BARD1: variants seen among roughly 807,000 people sequenced by gnomAD.
BARD1 encodes the protein BRCA1-associated RING domain protein 1.
A neutral mutation model predicts 77.0 loss-of-function variants in BARD1; 73 were observed. The observed-to-expected ratio is 0.95, with a 90% CI of 0.79 to 1.15. BARD1 has a LOEUF of 1.15. Ranked by LOEUF, BARD1 falls within the 50% of genes most tolerant of loss-of-function variation. The pLI is 0.00. For synonymous variants in BARD1, 384 were observed against 338.0 expected (o/e 1.14, Z -1.49); for missense variants, 993 against 938.8 (o/e 1.06, Z -0.75).
At chr2:214,758,212 A>T (rs1574768435) in intron 6 of BARD1, among the ~76,000 whole-genome samples, 1 of 152,190 alleles carries the variant, frequency 6.6e-6, no homozygotes, top group Non-Finnish European at 1.5e-5. Context: ...CTGCCACTCA[A>T]AAGTCTTATG....
At chr2:214,778,646 C>G (rs1694840731) in intron 4 of BARD1, among the ~76,000 whole-genome samples, 1 of 152,090 alleles carries the variant, frequency 6.6e-6, no homozygotes, top group Non-Finnish European at 1.5e-5. Flanking sequence ...GCCAGTCACC[C>G]AATTTTGTAC....
chr2:214,735,684 T>C (rs756894727), intron 9 of BARD1, among the ~76,000 whole-genome samples: 7 of 152,170 alleles, frequency 4.6e-5, no homozygotes, highest in Non-Finnish European at 7.4e-5. Flanking sequence ...AAATATAACT[T>C]AGTGGTACAC....
intron 4 of BARD1, among the ~76,000 whole-genome samples, chr2:214,780,343 T>A (rs1406644645): frequency 6.6e-6 from 1 of 152,166 alleles, no homozygotes; most frequent in East Asian, 1.9e-4. Context: ...AATATTGGTT[T>A]TCTCCTACAA....
chr2:214,728,816 A>G lies in BARD1; in HGVS notation c.2194T>C (p.Phe732Leu). 6.2e-7 allele frequency: 1 copy of G among 1,614,224 alleles called. No individual in the cohort carries two copies. The highest frequency in any genetic ancestry group is 8.5e-7 in the Non-Finnish European group (1 of 1,180,044). Reference sequence around the variant, plus strand: ...TCATAGATGATATACTGTGTGCAGAAGCGCTGATCAGAATCGGGTCTCGCA... The same window carrying G: ...TCATAGATGATATACTGTGTGCAGAGGCGCTGATCAGAATCGGGTCTCGCA... ...YHARPDSDQRFCTQYIIYEDL... is the reference protein window; with the variant it reads ...YHARPDSDQRLCTQYIIYEDL... Residue 732 changes from phenylalanine to leucine, a missense_variant, in exon 11 of 11, where the codon TTC (phenylalanine) becomes CTC (leucine). Physicochemically the swap from Phe to Leu is conservative, Grantham distance 22. Transcript: ENST00000260947.
Position 214,728,583 on chromosome 2 carries a change from T to C in BARD1, c.*93A>G, listed in dbSNP as rs1692184560. ...AAAGACAAATATGAATGACTCTACC[T>C]ATTTGTAAAAATGTGAACATTAAAA... On this transcript the variant is annotated 3_prime_UTR_variant, in exon 11 of 11. Transcript: ENST00000260947. 1 of 1,161,186 alleles carries C rather than the reference T, an allele frequency of 8.6e-7. No homozygotes were observed. The highest frequency in any genetic ancestry group is 2.0e-5 in the Admixed American group (1 of 49,378). The allele number at this position is 1,161,186 out of a possible 1,614,324, so 71.9% of individuals were successfully genotyped here.
intron 9 of BARD1, among the ~76,000 whole-genome samples, chr2:214,733,279 T>A (rs1692435995): frequency 6.6e-6 from 1 of 152,226 alleles, no homozygotes; most frequent in Non-Finnish European, 1.5e-5. Context: ...GATTTTGGAA[T>A]ATTTGCACGT....
intron 9 of BARD1, among the ~76,000 whole-genome samples, chr2:214,737,879 C>G (rs1692636484): frequency 6.6e-6 from 1 of 151,918 alleles, no homozygotes; most frequent in Admixed American, 6.6e-5. Flanking sequence ...TTGTAATAAA[C>G]AGTTAATAAA....
intron 6 of BARD1, among the ~76,000 whole-genome samples, chr2:214,757,162 A>G (rs1473879693): frequency 2.6e-5 from 4 of 151,918 alleles, no homozygotes; most frequent in Non-Finnish European, 1.5e-5. Flanking sequence ...TTCCTTATAA[A>G]TTACCCAGTC....
At position 214,809,582 on chromosome 2, in the gene BARD1, G is replaced by T; in HGVS notation, c.-13C>A. 6.5e-7 allele frequency: 1 copy of T among 1,539,432 alleles called. No individual in the cohort carries two copies. The highest frequency in any genetic ancestry group is 8.7e-7 in the Non-Finnish European group (1 of 1,145,952). On this transcript the variant is annotated 5_prime_UTR_variant, in exon 1 of 11. Coordinates refer to ENST00000260947, the MANE Select transcript of BARD1 (RefSeq NM_000465.4). Reference sequence around the variant, plus strand: ...GATTATCCGGCATCGTCCCGCCTTCGGATGAAAGGCTCCTCGCAGAGCGGG... The same window carrying T: ...GATTATCCGGCATCGTCCCGCCTTCTGATGAAAGGCTCCTCGCAGAGCGGG...
At position 214,797,049 on chromosome 2, in the gene BARD1, G is replaced by A. The variant is rs373816832; in HGVS notation, c.215+12C>T. 1.1e-4 allele frequency: 179 copies of A among 1,599,158 alleles called. No homozygotes were observed. In the African/African-American group the frequency reaches 1.3e-3, roughly 12 times the overall value. ...ACAGTTGTACTATATACATCAAACCGTAATTACTTACCTACAGAAGATGTG... is the reference window on the plus strand; with the variant it reads ...ACAGTTGTACTATATACATCAAACCATAATTACTTACCTACAGAAGATGTG... On this transcript the variant is annotated intron_variant, in intron 2 of 10. Coordinates refer to ENST00000260947, the MANE Select transcript of BARD1 (RefSeq NM_000465.4).
intron 7 of BARD1, among the ~76,000 whole-genome samples, chr2:214,751,145 ATATATATT>A (rs1693422957): frequency 4.7e-5 from 1 of 21,362 alleles, no homozygotes; most frequent in African/African-American, 1.3e-4. Context: ...ATATATATAT[ATATATATT>A]TTTTTTTTTT....
chr2:214,730,167 T>G (rs975020211), intron 10 of BARD1: 8 of 514,562 alleles, frequency 1.6e-5, no homozygotes, highest in Non-Finnish European at 2.5e-5. Flanking sequence ...GAGATTTACC[T>G]CAGATTCTGA....
At chr2:214,776,262 T>C (rs1419581718) in intron 4 of BARD1, among the ~76,000 whole-genome samples, 1 of 152,168 alleles carries the variant, frequency 6.6e-6, no homozygotes, top group African/African-American at 2.4e-5. Flanking sequence ...AAGGTCAGGA[T>C]GGCACAAATT....
intron 1 of BARD1, among the ~76,000 whole-genome samples, chr2:214,797,495 C>A (rs1338276838): frequency 6.6e-6 from 1 of 152,074 alleles, no homozygotes; most frequent in Non-Finnish European, 1.5e-5. Flanking sequence ...GACCATATAC[C>A]TCAAAATGTG....
intron 3 of BARD1, among the ~76,000 whole-genome samples, chr2:214,786,242 C>T (rs1363501333): frequency 6.6e-6 from 1 of 150,872 alleles, no homozygotes; most frequent in Non-Finnish European, 1.5e-5. Context: ...AGAGATACAA[C>T]ATTATTTTCA....
chr2:214,766,158 C>T (rs1194516452), intron 6 of BARD1, among the ~76,000 whole-genome samples: 1 of 152,168 alleles, frequency 6.6e-6, no homozygotes, highest in African/African-American at 2.4e-5. Flanking sequence ...ACAAAATCTA[C>T]ATACAGCATT....
chr2:214,761,550 A>G (rs1221666741), intron 6 of BARD1, among the ~76,000 whole-genome samples: 1 of 152,098 alleles, frequency 6.6e-6, no homozygotes, highest in African/African-American at 2.4e-5. Flanking sequence ...TCAAAAAAGC[A>G]TAAGCTTTGG....
chr2:214,728,708 T>TG lies in BARD1; in HGVS notation c.2301_2302insC (p.Met768HisfsTer4), dbSNP rs1692191688. 6.2e-7 allele frequency: 1 copy of TG among 1,614,190 alleles called. No individual in the cohort carries two copies. Among genetic ancestry groups the TG allele is most frequent in the East Asian group, 2.2e-5 (1 of 44,884 alleles). ...TCAAGAGGAAGCAACTCAAAGGACA[T>TG]CACACAGTCTATAAACCAGCTCGAA... On this transcript the variant is annotated frameshift_variant, in exon 11 of 11. Coordinates refer to ENST00000260947, the MANE Select transcript of BARD1 (RefSeq NM_000465.4). LOFTEE classifies it high-confidence loss of function.
intron 9 of BARD1, among the ~76,000 whole-genome samples, chr2:214,739,264 C>T (rs577559129): frequency 1.3e-5 from 2 of 151,738 alleles, no homozygotes; most frequent in East Asian, 3.9e-4. Flanking sequence ...AATTAAAATA[C>T]AGAATCAAAC....
Sources: allele counts gnomAD v4.1 joint callset (sites outside exome capture counted in the v4.1 genomes callset), GRCh38; gene constraint gnomAD v4.1.1; transcripts MANE v1.5; gene names NCBI Gene and HGNC (gene_info 2026-07-23, HGNC 2026-07-21).